The following MIB1 variants were observed in gnomAD, a reference collection of about 807,000 sequenced individuals.
The protein encoded by MIB1 is MIB E3 ubiquitin protein ligase 1, also known as E3 ubiquitin-protein ligase MIB1.
In MIB1, 278 loss-of-function variants were observed where a neutral mutation model predicts 124.5. That is an observed-to-expected ratio of 2.23 (90% CI 2.02 to 2.47). The LOEUF (loss-of-function observed/expected upper bound fraction) is 2.47, where lower values mean the gene tolerates loss of function less well. Ranked by LOEUF, MIB1 falls within the 30% of genes most tolerant of loss-of-function variation. The pLI is 0.00. For synonymous variants in MIB1, 446 were observed against 429.4 expected (o/e 1.04, Z -0.48); for missense variants, 957 against 1,254.4 (o/e 0.76, Z 3.58).
chr18:21,747,496 A>G (rs944797414), intron 1 of MIB1, among the ~76,000 whole-genome samples: 8 of 152,184 alleles, frequency 5.3e-5, no homozygotes, highest in African/African-American at 9.7e-5. Flanking sequence ...CTAAGTGACT[A>G]TTTGTCTACT....
At chr18:21,719,777 AACTC>A (rs370889544) in intron 1 of MIB1, among the ~76,000 whole-genome samples, 16 of 151,958 alleles carry the variant, frequency 1.1e-4, no homozygotes, top group African/African-American at 3.9e-4. Flanking sequence ...TTTTTCTAAA[AACTC>A]ACTCCTATTT....
intron 17 of MIB1, among the ~76,000 whole-genome samples, chr18:21,852,023 A>G (rs1344832143): frequency 6.6e-6 from 1 of 152,232 alleles, no homozygotes; most frequent in Non-Finnish European, 1.5e-5. Context: ...GATAATTATT[A>G]TGTATTAGGC....
chr18:21,761,893 A>G (rs988027552), intron 1 of MIB1, among the ~76,000 whole-genome samples: 11 of 152,088 alleles, frequency 7.2e-5, no homozygotes, highest in African/African-American at 1.9e-4. Flanking sequence ...AGTTACACAC[A>G]TGCCGATGAG....
intron 1 of MIB1, among the ~76,000 whole-genome samples, chr18:21,718,733 A>C (rs2040701015): frequency 6.6e-6 from 1 of 152,186 alleles, no homozygotes. Flanking sequence ...AGACAGGTTC[A>C]AGTTCAGGCA....
intron 12 of MIB1, among the ~76,000 whole-genome samples, chr18:21,837,438 G>A (rs1037809491): frequency 6.6e-6 from 1 of 152,222 alleles, no homozygotes; most frequent in Non-Finnish European, 1.5e-5. Context: ...AACCCAGGAG[G>A]CAGAGCTTGC....
At chr18:21,823,658 G>A (rs1481399751) in intron 12 of MIB1, among the ~76,000 whole-genome samples, 1 of 152,020 alleles carries the variant, frequency 6.6e-6, no homozygotes, top group East Asian at 1.9e-4. Context: ...ATTGTGGAAG[G>A]GAATATAAAT....
intron 3 of MIB1, among the ~76,000 whole-genome samples, chr18:21,770,593 T>C (rs2041213839): frequency 6.6e-6 from 1 of 152,232 alleles, no homozygotes; most frequent in South Asian, 2.1e-4. Flanking sequence ...GTGCTGGGAT[T>C]ACAGGCATGA....
At chr18:21,841,191 C>T (rs1223998460) in intron 13 of MIB1, among the ~76,000 whole-genome samples, 1 of 152,082 alleles carries the variant, frequency 6.6e-6, no homozygotes. Context: ...CATCGTGAAA[C>T]CCCTTCTCTA....
At chr18:21,809,775 GA>G (rs2041750047) in intron 10 of MIB1, among the ~76,000 whole-genome samples, 1 of 152,036 alleles carries the variant, frequency 6.6e-6, no homozygotes, top group South Asian at 2.1e-4. Context: ...AGCCATATAT[GA>G]AAAACCCACA....
intron 10 of MIB1, among the ~76,000 whole-genome samples, chr18:21,815,016 T>TATATATAC (rs2041813663): frequency 1.5e-4 from 3 of 19,900 alleles, no homozygotes; most frequent in Non-Finnish European, 3.1e-4. Flanking sequence ...TGGTTTTATA[T>TATATATAC]ATATATATAT....
At chr18:21,742,701 A>G (rs1410292340) in intron 1 of MIB1, among the ~76,000 whole-genome samples, 2 of 152,202 alleles carry the variant, frequency 1.3e-5, no homozygotes, top group Non-Finnish European at 2.9e-5. Context: ...CATCTTTGGT[A>G]TTATTTATCC....
At position 21,870,885 on chromosome 18, in the gene MIB1, G is replaced by C. The variant is rs2042350132; in HGVS notation, c.*6219G>C. The C allele has an allele frequency of 6.6e-6, 1 of 152,058 alleles. No individual in the cohort carries two copies. Among genetic ancestry groups the C allele is most frequent in the African/African-American group, 2.4e-5 (1 of 41,394 alleles). 9.4% of individuals were successfully genotyped at this position (152,058 alleles called of 1,614,324 possible). A position where few individuals can be genotyped will look rare whatever the true frequency, so the allele number is the denominator to read the frequency against. The stretch of plus-strand genomic sequence containing the variant: ...TTTTGTTTCTGTTGCTGTATAGTTA[G>C]AAATTTCATGGCAATATTTTTTACT... On this transcript the variant is annotated 3_prime_UTR_variant, in exon 21 of 21. Coordinates refer to ENST00000261537, the MANE Select transcript of MIB1 (RefSeq NM_020774.4).
chr18:21,754,751 C>A (rs577813123), intron 1 of MIB1, among the ~76,000 whole-genome samples: 2 of 152,314 alleles, frequency 1.3e-5, no homozygotes, highest in Admixed American at 6.5e-5. Flanking sequence ...GTTTTGCTGT[C>A]ACATCTTAAA....
intron 1 of MIB1, among the ~76,000 whole-genome samples, chr18:21,716,433 GA>G (rs1475078873): frequency 6.6e-6 from 1 of 152,036 alleles, no homozygotes; most frequent in African/African-American, 2.4e-5. Flanking sequence ...AATCTTACAG[GA>G]CCTATAAAAC....
chr18:21,853,263 A>G, intron 18 of MIB1, 45 bp downstream of exon 18: 1 of 1,382,444 alleles, frequency 7.2e-7, no homozygotes, highest in Non-Finnish European at 1.0e-6. Context: ...ATAAAAATAG[A>G]AAGTGAAACA....
At chr18:21,777,292 G>A (rs1164056014) in intron 4 of MIB1, among the ~76,000 whole-genome samples, 1 of 151,656 alleles carries the variant, frequency 6.6e-6, no homozygotes, top group East Asian at 2.0e-4. Context: ...GGTGGTGCAT[G>A]CCTGTAATAC....
chr18:21,779,052 T>C (rs2041326898), intron 5 of MIB1, among the ~76,000 whole-genome samples: 1 of 152,138 alleles, frequency 6.6e-6, no homozygotes, highest in Non-Finnish European at 1.5e-5. Context: ...ACAGGAACCA[T>C]TTGTTAAAAT....
At chr18:21,791,351 G>T in intron 6 of MIB1, 23 bp from the exon 7 acceptor site, 1 of 1,563,024 alleles carries the variant, frequency 6.4e-7, no homozygotes, top group Non-Finnish European at 8.7e-7. Flanking sequence ...TACCCATTTT[G>T]AGGTTTAGCT....
Position 21,726,020 on chromosome 18 carries a change from T to C in MIB1, n.167+20897T>C, listed in dbSNP as rs572381394. 2.6e-5 allele frequency among the ~76,000 whole-genome samples: 4 copies of C among 152,302 alleles called. No homozygotes were observed. In the South Asian group the frequency reaches 8.3e-4, roughly 32 times the overall value. ...TTTGTTTTCAAGTGTGGAGTGGTCA[T>C]ATGAAACACTTCAGAGATGTGCTAA... On this transcript the variant is annotated intron_variant and non_coding_transcript_variant, in intron 1 of 20. Coordinates refer to the MIB1 transcript ENST00000578646.
Sources: gnomAD v4.1 joint callset for allele counts (sites outside exome capture counted in the v4.1 genomes callset) on GRCh38, gnomAD v4.1.1 for gene constraint, MANE v1.5 for transcripts, NCBI Gene and HGNC (gene_info 2026-07-23, HGNC 2026-07-21) for gene names.